The following HSD17B3 variants were observed in gnomAD, a reference collection of about 807,000 sequenced individuals.
HSD17B3 encodes hydroxysteroid 17-beta dehydrogenase 3.
HSD17B3 carries 29 observed loss-of-function variants against 41.1 expected under a neutral mutation model. The ratio of observed to expected loss-of-function variants is 0.71; its 90% CI spans 0.53 to 0.96. HSD17B3 has a LOEUF of 0.96. HSD17B3 is among the 40% of genes least tolerant of loss of function. The pLI, the probability that HSD17B3 is intolerant of heterozygous loss-of-function variation, is 0.00. For missense variants in HSD17B3, 323 were observed against 374.6 expected (o/e 0.86, Z 1.14); for synonymous variants, 126 against 145.6 (o/e 0.87, Z 0.97).
intron 2 of HSD17B3, among the ~76,000 whole-genome samples, chr9:96,263,199 T>C (rs973333764): frequency 3.3e-5 from 5 of 152,166 alleles, no homozygotes; most frequent in African/African-American, 1.2e-4. Context: ...GGGCTGAAAC[T>C]AGGATGAGGC....
intron 1 of HSD17B3, 71 bp from the exon 2 acceptor site, chr9:96,298,533 T>A: frequency 7.5e-7 from 1 of 1,336,644 alleles, no homozygotes; most frequent in African/African-American, 1.4e-5. Flanking sequence ...TGGCCACGTT[T>A]TCTCACAAGC....
intron 4 of HSD17B3, 123 bp downstream of exon 4, chr9:96,252,680 A>G: frequency 1.4e-6 from 1 of 732,348 alleles, no homozygotes; most frequent in Non-Finnish European, 2.5e-6. Context: ...ACTTAATGGG[A>G]CAGCTTAAAA....
chr9:96,290,979 T>C (rs1338091890), intron 2 of HSD17B3, among the ~76,000 whole-genome samples: 1 of 152,142 alleles, frequency 6.6e-6, no homozygotes, highest in Non-Finnish European at 1.5e-5. Context: ...GGAAAAACTA[T>C]GACCCCACCC....
intron 3 of HSD17B3, 51 bp from the exon 4 acceptor site, chr9:96,252,961 T>A: frequency 8.6e-7 from 1 of 1,166,154 alleles, no homozygotes; most frequent in African/African-American, 1.5e-5. Context: ...AAATGCCCCC[T>A]CGCCCATGAA....
chr9:96,253,091 T>C (rs1355097870), intron 3 of HSD17B3, among the ~76,000 whole-genome samples, 181 bp from the exon 4 acceptor site: 1 of 152,094 alleles, frequency 6.6e-6, no homozygotes, highest in African/African-American at 2.4e-5. Context: ...TGGTGAATGG[T>C]GGTTCCTACG....
intron 9 of HSD17B3, among the ~76,000 whole-genome samples, chr9:96,242,001 G>GAAAGAAAGAAAGAAAGA (rs1554692381): frequency 1.5e-5 from 2 of 130,504 alleles, no homozygotes; most frequent in African/African-American, 5.9e-5. Context: ...AAGAAAGAAA[G>GAAAGAAAGAAAGAAAGA]AAAGAGAAAG....
At chr9:96,270,954 G>A (rs1245759870) in intron 2 of HSD17B3, among the ~76,000 whole-genome samples, 2 of 19,556 alleles carry the variant, frequency 1.0e-4, no homozygotes, top group East Asian at 4.1e-3. Flanking sequence ...AAATCCTCTC[G>A]GGGGGGGGGG....
At chr9:96,298,628 G>T (rs1174763571) in intron 1 of HSD17B3, among the ~76,000 whole-genome samples, 166 bp from the exon 2 acceptor site, 1 of 152,152 alleles carries the variant, frequency 6.6e-6, no homozygotes, top group African/African-American at 2.4e-5. Flanking sequence ...TAAACATTCA[G>T]GTGAAAGGAT....
At chr9:96,249,823 G>C (rs769512648) in intron 5 of HSD17B3, 37 bp from the exon 6 acceptor site, 1 of 1,613,780 alleles carries the variant, frequency 6.2e-7, no homozygotes, top group East Asian at 2.2e-5. Flanking sequence ...TCAGCCGGAT[G>C]ATTAGAGAAA....
chr9:96,298,310 G>T, intron 2 of HSD17B3, 106 bp downstream of exon 2: 1 of 870,266 alleles, frequency 1.1e-6, no homozygotes, highest in Non-Finnish European at 2.0e-6. Context: ...TCCTTTAAAT[G>T]AATGCATACT....
intron 2 of HSD17B3, among the ~76,000 whole-genome samples, chr9:96,286,025 T>C (rs181004611): frequency 2.6e-5 from 4 of 152,270 alleles, no homozygotes; most frequent in Admixed American, 2.0e-4. Flanking sequence ...CAACCCAAGA[T>C]ACAGGTCATA....
chr9:96,287,297 A>G (rs1368092209), intron 2 of HSD17B3, among the ~76,000 whole-genome samples: 1 of 152,210 alleles, frequency 6.6e-6, no homozygotes, highest in Non-Finnish European at 1.5e-5. Flanking sequence ...CTGGACCCAC[A>G]GGGGCAGGCA....
chr9:96,262,229 CTTTTTTTTTTTTT>C (rs71368240), intron 2 of HSD17B3, among the ~76,000 whole-genome samples: 6 of 54,204 alleles, frequency 1.1e-4, no homozygotes, highest in Admixed American at 1.0e-3. Context: ...ATGTCAATTG[CTTTTTTTTTTTTT>C]TTTTTTTTTT....
At chr9:96,241,718 T>A (rs1836445163) in intron 9 of HSD17B3, among the ~76,000 whole-genome samples, 1 of 152,102 alleles carries the variant, frequency 6.6e-6, no homozygotes, top group South Asian at 2.1e-4. Context: ...GACGATTGCT[T>A]GAGCCCAGGA....
At chr9:96,237,302 A>G (rs758439940) in intron 10 of HSD17B3, among the ~76,000 whole-genome samples, 9 of 152,226 alleles carry the variant, frequency 5.9e-5, no homozygotes, top group Admixed American at 1.3e-4. Context: ...TGGAAGGGCC[A>G]TGTAGGAGCC....
chr9:96,245,086 C>A (rs1836607319), intron 8 of HSD17B3, among the ~76,000 whole-genome samples: 1 of 152,074 alleles, frequency 6.6e-6, no homozygotes, highest in African/African-American at 2.4e-5. Flanking sequence ...AGGAAGATGG[C>A]AAGGGCTCCC....
chr9:96,283,236 C>T (rs1009162907), intron 2 of HSD17B3, among the ~76,000 whole-genome samples: 1 of 151,928 alleles, frequency 6.6e-6, no homozygotes, highest in Non-Finnish European at 1.5e-5. Flanking sequence ...AACTCCTGAC[C>T]TCAGGTGATC....
chr9:96,278,221 C>T (rs1313498394), intron 2 of HSD17B3, among the ~76,000 whole-genome samples: 3 of 152,084 alleles, frequency 2.0e-5, no homozygotes, highest in Non-Finnish European at 4.4e-5. Context: ...GTATTATATG[C>T]TTGAAATTTG....
chr9:96,294,465 G>T (rs1246938591), intron 2 of HSD17B3, among the ~76,000 whole-genome samples: 1 of 152,176 alleles, frequency 6.6e-6, no homozygotes, highest in Admixed American at 6.5e-5. Flanking sequence ...AAACAATAAA[G>T]AAATGAATGG....
Sources: gnomAD v4.1 joint callset for allele counts (sites outside exome capture counted in the v4.1 genomes callset) on GRCh38, gnomAD v4.1.1 for gene constraint, MANE v1.5 for transcripts, NCBI Gene and HGNC (gene_info 2026-07-23, HGNC 2026-07-21) for gene names.